Variants in TTC6 observed in about 807,000 individuals in gnomAD.
TTC6 encodes the protein tetratricopeptide repeat domain 6.
A neutral mutation model predicts 210.4 loss-of-function variants in TTC6; 172 were observed. The ratio of observed to expected loss-of-function variants is 0.82; its 90% CI spans 0.72 to 0.93. TTC6 has a LOEUF of 0.93. Among genes scored for constraint, TTC6 ranks in the 40% least tolerant of loss-of-function variants. TTC6 has a pLI of 0.00. For missense variants in TTC6, 2,414 were observed against 2,318.1 expected, an observed-to-expected ratio of 1.04 and a Z score of -0.85; for synonymous variants, 804 against 819.6, an observed-to-expected ratio of 0.98 and a Z score of 0.32.
chr14:37,776,597 G>A (rs1366978207), intron 14 of TTC6, among the ~76,000 whole-genome samples: 1 of 152,070 alleles, frequency 6.6e-6, no homozygotes, highest in African/African-American at 2.4e-5. Flanking sequence ...GATTTGATAT[G>A]AAATTCTAGG....
chr14:37,786,048 C>A (rs548846370), intron 14 of TTC6, among the ~76,000 whole-genome samples: 267 of 152,294 alleles, frequency 1.8e-3, no homozygotes, highest in South Asian at 4.8e-3. Flanking sequence ...TGGGAAGTGC[C>A]TCCCAGTTAG....
chr14:37,607,600 A>G (rs1232069743), intron 2 of TTC6, among the ~76,000 whole-genome samples: 4 of 152,078 alleles, frequency 2.6e-5, no homozygotes, highest in African/African-American at 4.8e-5. Context: ...GGGTTAAAAT[A>G]CATGCAAGTA....
intron 29 of TTC6, among the ~76,000 whole-genome samples, chr14:37,837,932 T>G (rs2096201682): frequency 6.6e-6 from 1 of 152,134 alleles, no homozygotes; most frequent in South Asian, 2.1e-4. Flanking sequence ...AGAGACCAAA[T>G]GTGTCCATGC....
chr14:37,649,507 G>A (rs2095707426), intron 1 of TTC6, among the ~76,000 whole-genome samples: 1 of 152,150 alleles, frequency 6.6e-6, no homozygotes, highest in African/African-American at 2.4e-5. Flanking sequence ...AAAGGAAATG[G>A]CACTGAAACT....
At chr14:37,769,977 C>T (rs913473997) in intron 14 of TTC6, among the ~76,000 whole-genome samples, 13 of 152,100 alleles carry the variant, frequency 8.5e-5, no homozygotes, top group South Asian at 4.2e-4. Context: ...GCTTTGAATG[C>T]GTCCCAGAGA....
chr14:37,619,793 T>C (rs1262328982), upstream of TTC6, among the ~76,000 whole-genome samples: 1 of 80,450 alleles, frequency 1.2e-5, no homozygotes, highest in Non-Finnish European at 2.7e-5. Flanking sequence ...ATGTTTTCCA[T>C]TTTTTTTTTT....
At chr14:37,718,317 T>G (rs1043666952) in intron 6 of TTC6, among the ~76,000 whole-genome samples, 12 of 152,144 alleles carry the variant, frequency 7.9e-5, no homozygotes, top group Non-Finnish European at 1.8e-4. Context: ...GAAGAAAAAT[T>G]GCATGATCAT....
intron 29 of TTC6, chr14:37,837,376 G>C (rs975005097): frequency 4.4e-6 from 2 of 454,364 alleles, no homozygotes; most frequent in African/African-American, 4.0e-5. Context: ...TCTGAGAACT[G>C]GGGGTGCAAC....
chr14:37,600,775 A>G lies in TTC6; in HGVS notation c.-235+4767A>G, dbSNP rs574321701. ...TGCCTAGAGGGAGATTATCTTCATTACTTAAAATTCGATTGGAGAGCACTG... is the reference window on the plus strand; with the variant it reads ...TGCCTAGAGGGAGATTATCTTCATTGCTTAAAATTCGATTGGAGAGCACTG... On this transcript the variant is annotated intron_variant, in intron 1 of 2. Transcript: ENST00000556845. 1.2e-4 allele frequency among the ~76,000 whole-genome samples: 18 copies of G among 152,322 alleles called. 1 individual carries two copies. The highest frequency in any genetic ancestry group is 2.5e-4 in the Non-Finnish European group (17 of 68,038).
In TTC6 at chr14:37,796,283, A is replaced by G. The variant is rs759610879; in HGVS notation, c.3792-11A>G. The G allele has an allele frequency of 9.3e-6, 11 of 1,187,150 alleles. No individual in the cohort carries two copies. In the African/African-American group the frequency reaches 1.7e-4, roughly 19 times the overall value. 73.5% of individuals were successfully genotyped at this position (1,187,150 alleles called of 1,614,324 possible). A position where few individuals can be genotyped will look rare whatever the true frequency, so the allele number is the denominator to read the frequency against. On this transcript the variant is annotated splice_polypyrimidine_tract_variant and intron_variant, in intron 18 of 30. Transcript: ENST00000553443. ...TAGCTGCTTAGAATCAAAATCGATTATTTCTTCCAGAGGACAATATCTTCT... is the reference window on the plus strand; with the variant it reads ...TAGCTGCTTAGAATCAAAATCGATTGTTTCTTCCAGAGGACAATATCTTCT...
chr14:37,810,544 G>C (rs1000499555), intron 24 of TTC6, among the ~76,000 whole-genome samples: 8 of 152,286 alleles, frequency 5.3e-5, no homozygotes, highest in African/African-American at 1.4e-4. Context: ...AAGTCACACA[G>C]AGAGAGTTAG....
At chr14:37,787,722 T>TATACATGAA in intron 15 of TTC6, 85 bp downstream of exon 17, 1 of 1,116,814 alleles carries the variant, frequency 9.0e-7, no homozygotes, top group African/African-American at 1.6e-5. Context: ...GTAATGTGGG[T>TATACATGAA]TCACTAATGT....
chr14:37,719,205 G>A (rs1216672624), intron 6 of TTC6, among the ~76,000 whole-genome samples: 1 of 152,130 alleles, frequency 6.6e-6, no homozygotes, highest in Non-Finnish European at 1.5e-5. Flanking sequence ...AGAAATAAAA[G>A]TGATCTAAGT....
chr14:37,787,474 C>T, exon 15 of TTC6: 1 of 1,519,524 alleles, frequency 6.6e-7, no homozygotes. Context: ...CTAGGACATA[C>T]CGAGGGATTG....
In TTC6 at chr14:37,664,519, T is replaced by TTAAATG. The variant is rs1270524835; in HGVS notation, c.940-15627_940-15622dup. 1.3e-5 allele frequency among the ~76,000 whole-genome samples: 2 copies of TTAAATG among 150,596 alleles called. 1 individual carries two copies. Among genetic ancestry groups the TTAAATG allele is most frequent in the Non-Finnish European group, 3.0e-5 (2 of 67,122 alleles). The stretch of plus-strand genomic sequence containing the variant: ...AATTAACTCAAGATGGATTAAAGAC[T>TTAAATG]TAAATGTAAAACCCCAAACTACAAA... On this transcript the variant is annotated intron_variant, in intron 1 of 30. Coordinates refer to ENST00000553443, the Ensembl canonical transcript of TTC6.
intron 1 of TTC6, among the ~76,000 whole-genome samples, chr14:37,663,668 A>G (rs1205927552): frequency 6.6e-6 from 1 of 152,162 alleles, no homozygotes; most frequent in African/African-American, 2.4e-5. Context: ...TCTTTGAAAA[A>G]TCAAACACTG....
At chr14:37,606,830 C>T (rs1211219299) in intron 2 of TTC6, 88 bp downstream of exon 2, 5 of 957,548 alleles carry the variant, frequency 5.2e-6, no homozygotes, top group Non-Finnish European at 3.7e-6. Context: ...TCTTGGAGTA[C>T]AGCCATGAAG....
At chr14:37,629,385 A>T (rs1213107300) in intron 1 of TTC6, among the ~76,000 whole-genome samples, 1 of 152,008 alleles carries the variant, frequency 6.6e-6, no homozygotes, top group East Asian at 1.9e-4. Context: ...ATGGGAGTTC[A>T]TTCATGATTT....
intron 5 of TTC6, among the ~76,000 whole-genome samples, chr14:37,711,421 GA>G (rs140312356): frequency 6.6e-6 from 1 of 152,282 alleles, no homozygotes; most frequent in East Asian, 1.9e-4. Flanking sequence ...GGTAGAGGAG[GA>G]TTTGTAAAGG....
Sources: gnomAD v4.1 joint callset for allele counts (sites outside exome capture counted in the v4.1 genomes callset) on GRCh38, gnomAD v4.1.1 for gene constraint, MANE v1.5 for transcripts, NCBI Gene and HGNC (gene_info 2026-07-23, HGNC 2026-07-21) for gene names.